The following NTRK3 variants were observed in gnomAD, a reference collection of about 807,000 sequenced individuals.
The protein encoded by NTRK3 is NT-3 growth factor receptor.
NTRK3 carries 24 observed loss-of-function variants against 91.7 expected under a neutral mutation model. The observed-to-expected ratio is 0.26, with a 90% confidence interval of 0.19 to 0.37. The LOEUF is 0.37. NTRK3 is among the 10% of genes least tolerant of loss of function. NTRK3 has a pLI of 1.00. For missense variants in NTRK3, 880 were observed against 1,068.9 expected (o/e 0.82, Z 2.46); for synonymous variants, 483 against 404.0 (o/e 1.20, Z -2.34).
At chr15:87,960,088 T>G (rs548372333) in intron 14 of NTRK3, among the ~76,000 whole-genome samples, 1 of 152,250 alleles carries the variant, frequency 6.6e-6, no homozygotes, top group Non-Finnish European at 1.5e-5. Flanking sequence ...ATGGTGAAAA[T>G]AGGAAGTGCT....
chr15:87,940,407 G>C (rs953026800), intron 15 of NTRK3, among the ~76,000 whole-genome samples: 1 of 152,176 alleles, frequency 6.6e-6, no homozygotes, highest in Admixed American at 6.5e-5. Flanking sequence ...TGCTCCCCTG[G>C]CATAGCCCCC....
intron 13 of NTRK3, among the ~76,000 whole-genome samples, chr15:88,054,750 T>TTGATGA (rs760244120): frequency 4.7e-4 from 71 of 151,948 alleles, no homozygotes; most frequent in Admixed American, 2.6e-3. Context: ...TCTGAAAATA[T>TTGATGA]TGATGATGAT....
intron 14 of NTRK3, among the ~76,000 whole-genome samples, chr15:87,964,107 T>C (rs2072566076): frequency 6.6e-6 from 1 of 152,186 alleles, no homozygotes; most frequent in African/African-American, 2.4e-5. Context: ...ATGACACAGC[T>C]GCAGTTGTAC....
intron 17 of NTRK3, among the ~76,000 whole-genome samples, chr15:87,907,539 T>C (rs1335059966): frequency 6.6e-6 from 1 of 152,072 alleles, no homozygotes; most frequent in Non-Finnish European, 1.5e-5. Flanking sequence ...TAATACTGTA[T>C]ATTAGAAACC....
intron 13 of NTRK3, among the ~76,000 whole-genome samples, chr15:88,092,236 G>A (rs1297293718): frequency 2.0e-5 from 3 of 152,180 alleles, no homozygotes; most frequent in Admixed American, 6.5e-5. Flanking sequence ...TATCTCAGCC[G>A]CTCAGTGTCA....
chr15:88,045,888 A>G (rs1420587954), intron 13 of NTRK3, among the ~76,000 whole-genome samples: 2 of 152,340 alleles, frequency 1.3e-5, no homozygotes, highest in East Asian at 3.9e-4. Flanking sequence ...GTCAAATTAG[A>G]TCAAGGGCGC....
intron 14 of NTRK3, among the ~76,000 whole-genome samples, chr15:87,943,939 G>A (rs945306922): frequency 1.3e-5 from 2 of 152,022 alleles, no homozygotes; most frequent in Non-Finnish European, 2.9e-5. Context: ...AAGCCTCCGT[G>A]GGCCAAAGTG....
chr15:88,038,501 T>C (rs570478309), intron 13 of NTRK3, among the ~76,000 whole-genome samples: 33 of 152,220 alleles, frequency 2.2e-4, no homozygotes, highest in African/African-American at 7.5e-4. Flanking sequence ...CAAGTCTTCC[T>C]TGGACAGGGC....
At chr15:88,038,721 A>C (rs770016951) in intron 13 of NTRK3, among the ~76,000 whole-genome samples, 4 of 152,216 alleles carry the variant, frequency 2.6e-5, no homozygotes, top group Non-Finnish European at 5.9e-5. Context: ...CTAAAAGACA[A>C]AAATTTTAAA....
chr15:87,945,031 T>TGGCC (rs2070311363), intron 14 of NTRK3, among the ~76,000 whole-genome samples: 1 of 152,182 alleles, frequency 6.6e-6, no homozygotes, highest in Non-Finnish European at 1.5e-5. Context: ...CCTGGCTGGC[T>TGGCC]GGCCCAGCAG....
At chr15:87,874,357 G>A (rs919302560) in exon 19 of NTRK3, 8 of 174,504 alleles carry the variant, frequency 4.6e-5, no homozygotes, top group Admixed American at 3.0e-4. Context: ...CAAGATCAGC[G>A]TGAAAGCCCG....
intron 17 of NTRK3, among the ~76,000 whole-genome samples, chr15:87,902,173 G>C (rs577366090): frequency 5.3e-5 from 8 of 152,316 alleles, no homozygotes; most frequent in African/African-American, 1.9e-4. Context: ...AAATATCTAT[G>C]TTCCTCCATA....
intron 3 of NTRK3, among the ~76,000 whole-genome samples, chr15:88,221,568 A>G (rs1271508543): frequency 6.6e-6 from 1 of 152,240 alleles, no homozygotes; most frequent in Non-Finnish European, 1.5e-5. Flanking sequence ...AGGCAGGTGG[A>G]TCCCTTGAGC....
chr15:88,044,354 G>A (rs972807927), intron 13 of NTRK3, among the ~76,000 whole-genome samples: 7 of 140,876 alleles, frequency 5.0e-5, no homozygotes, highest in East Asian at 2.2e-4. Flanking sequence ...TCTGCCTCCC[G>A]GGTTCACTCC....
At chr15:88,168,269 G>T (rs1320017157) in intron 5 of NTRK3, among the ~76,000 whole-genome samples, 1 of 152,100 alleles carries the variant, frequency 6.6e-6, no homozygotes, top group Non-Finnish European at 1.5e-5. Context: ...CTGCTAAGGG[G>T]TCTTCCTAGT....
chr15:88,153,485 CCT>C (rs2043589982), intron 5 of NTRK3, among the ~76,000 whole-genome samples: 2 of 152,146 alleles, frequency 1.3e-5, no homozygotes, highest in Admixed American at 1.3e-4. Context: ...AAACTCCTGA[CCT>C]CAGGTGATCC....
intron 13 of NTRK3, among the ~76,000 whole-genome samples, chr15:88,108,319 C>T (rs993661341): frequency 6.6e-6 from 1 of 152,170 alleles, no homozygotes; most frequent in Non-Finnish European, 1.5e-5. Flanking sequence ...ACTACCTGCC[C>T]GGAGTTCATA....
chr15:88,051,910 C>T (rs1285620725), intron 13 of NTRK3, among the ~76,000 whole-genome samples: 4 of 152,172 alleles, frequency 2.6e-5, no homozygotes, highest in Admixed American at 6.5e-5. Flanking sequence ...GCCAATGCTT[C>T]CCACTTCTCA....
chr15:88,142,397 G>C (rs2042470966), intron 6 of NTRK3, among the ~76,000 whole-genome samples: 1 of 152,266 alleles, frequency 6.6e-6, no homozygotes, highest in Admixed American at 6.5e-5. Context: ...GGCTCTGATG[G>C]CTCCCCACAT....
Sources: allele counts gnomAD v4.1 joint callset (sites outside exome capture counted in the v4.1 genomes callset), GRCh38; gene constraint gnomAD v4.1.1; transcripts MANE v1.5; gene names NCBI Gene and HGNC (gene_info 2026-07-23, HGNC 2026-07-21).